Variants in SYT13 observed in about 807,000 individuals in gnomAD.
The protein encoded by SYT13 is synaptotagmin-13.
In SYT13, 21 loss-of-function variants were observed where a neutral mutation model predicts 38.6. The ratio of observed to expected loss-of-function variants is 0.54; its 90% CI spans 0.39 to 0.78. The LOEUF is 0.78. SYT13 is among the 30% of genes least tolerant of loss of function. The probability of loss-of-function intolerance (pLI) is 0.00; values close to 1 mark genes in which losing one functional copy is unlikely to be tolerated. For synonymous variants in SYT13, 241 were observed against 237.6 expected (o/e 1.01, Z -0.13); for missense variants, 495 against 548.7 (o/e 0.90, Z 0.98).
At chr11:45,270,125 T>C (rs964349386) in intron 1 of SYT13, among the ~76,000 whole-genome samples, 2 of 152,198 alleles carry the variant, frequency 1.3e-5, no homozygotes, top group African/African-American at 2.4e-5. Context: ...GAGTTTGCTT[T>C]CCAAAATTTC....
chr11:45,277,474 G>A (rs1855023938), intron 1 of SYT13, among the ~76,000 whole-genome samples: 1 of 152,184 alleles, frequency 6.6e-6, no homozygotes, highest in Non-Finnish European at 1.5e-5. Context: ...ATAAATGTTT[G>A]ATTTATGAAT....
At chr11:45,285,263 A>G (rs1855119858) in intron 1 of SYT13, among the ~76,000 whole-genome samples, 1 of 152,166 alleles carries the variant, frequency 6.6e-6, no homozygotes, top group African/African-American at 2.4e-5. Context: ...GCTCTTTACA[A>G]TGGGAGCACG....
At chr11:45,245,978 GTC>G (rs1854609391) in intron 5 of SYT13, among the ~76,000 whole-genome samples, 1 of 152,178 alleles carries the variant, frequency 6.6e-6, no homozygotes, top group Non-Finnish European at 1.5e-5. Flanking sequence ...TGAAAGGTGG[GTC>G]CAGCCAGGTG....
chr11:45,283,813 CTT>C (rs142300758), intron 1 of SYT13, among the ~76,000 whole-genome samples: 3,941 of 152,334 alleles, frequency 0.026, 78 homozygotes, highest in African/African-American at 0.055. Flanking sequence ...CCTGAGATGA[CTT>C]TATTCATCTA....
At chr11:45,271,697 C>T (rs1392130058) in intron 1 of SYT13, among the ~76,000 whole-genome samples, 4 of 152,130 alleles carry the variant, frequency 2.6e-5, no homozygotes. Context: ...CAGGTTCATA[C>T]AGGAGGGATG....
At chr11:45,275,158 C>G (rs76157346) in intron 1 of SYT13, among the ~76,000 whole-genome samples, 1 of 152,166 alleles carries the variant, frequency 6.6e-6, no homozygotes, top group Admixed American at 6.5e-5. Flanking sequence ...TCTACCCATC[C>G]ATTCATCAAT....
Position 45,255,667 on chromosome 11 carries a change from A to G in SYT13, c.408T>C (p.Asn136=). 1 of 1,613,844 alleles carries G rather than the reference A, an allele frequency of 6.2e-7. No homozygotes were observed. The highest frequency in any genetic ancestry group is 8.5e-7 in the Non-Finnish European group (1 of 1,179,882). The part of the protein sequence containing the change: ...VTEELFILPQ[N]GVVEDVCVME... Reference sequence around the variant, plus strand: ...GTGCAGGGGGCAGGAGACCCCTACCATTCTGAGGGAGGATGAACAGCTCCT... The same window carrying G: ...GTGCAGGGGGCAGGAGACCCCTACCGTTCTGAGGGAGGATGAACAGCTCCT... The change falls in exon 2 of 6, where the codon AAT becomes AAC. Residue 136 remains asparagine, a splice_region_variant and synonymous_variant. Coordinates refer to ENST00000020926, the MANE Select transcript of SYT13 (RefSeq NM_020826.3).
Position 45,286,223 on chromosome 11 carries a change from C to CGAGG in SYT13, c.-20_-17dup, listed in dbSNP as rs1855134531. On this transcript the variant is annotated 5_prime_UTR_variant, in exon 1 of 6. Coordinates refer to ENST00000020926, the MANE Select transcript of SYT13 (RefSeq NM_020826.3). Reference sequence around the variant, plus strand: ...ACAGCACCATGGTGCCCGCTCCCGGCGAGGGGCTGGGTCCCGCAGCCGCTC... The same window carrying CGAGG: ...ACAGCACCATGGTGCCCGCTCCCGGCGAGGGAGGGGCTGGGTCCCGCAGCCGCTC... The CGAGG allele has an allele frequency of 2.0e-6, 3 of 1,529,624 alleles. No homozygotes were observed. The highest frequency in any genetic ancestry group is 2.6e-6 in the Non-Finnish European group (3 of 1,140,486). 94.8% of individuals were successfully genotyped at this position (1,529,624 alleles called of 1,614,324 possible).
chr11:45,259,332 C>T (rs1565384036), intron 1 of SYT13, among the ~76,000 whole-genome samples: 1 of 152,200 alleles, frequency 6.6e-6, no homozygotes, highest in Non-Finnish European at 1.5e-5. Flanking sequence ...ATTCAATCGT[C>T]TGAGAAAAGG....
In SYT13 at chr11:45,264,223, G is replaced by A. The variant is rs377121398; in HGVS notation, c.184-8332C>T. On this transcript the variant is annotated intron_variant, in intron 1 of 5. Coordinates refer to ENST00000020926, the MANE Select transcript of SYT13 (RefSeq NM_020826.3). ...GCATTCTCACATCAGAGCCACCATGGTAGGTGCCTCTATGATGAGACCTCT... is the reference window on the plus strand; with the variant it reads ...GCATTCTCACATCAGAGCCACCATGATAGGTGCCTCTATGATGAGACCTCT... Among the ~76,000 whole-genome samples, 240 of 152,298 alleles carry A rather than the reference G, an allele frequency of 1.6e-3. 11 individuals carry two copies. The South Asian group carries it at 0.048, about 31-fold the overall frequency.
intron 1 of SYT13, among the ~76,000 whole-genome samples, chr11:45,269,133 C>G (rs1238139421): frequency 2.0e-5 from 3 of 152,032 alleles, no homozygotes; most frequent in African/African-American, 7.3e-5. Flanking sequence ...GTTGGGCACC[C>G]TGAAGTCTGA....
intron 1 of SYT13, among the ~76,000 whole-genome samples, chr11:45,258,913 T>C (rs1191946747): frequency 6.6e-6 from 1 of 152,158 alleles, no homozygotes; most frequent in Non-Finnish European, 1.5e-5. Context: ...CTCATATAAC[T>C]CTGTATTACC....
At chr11:45,277,232 C>A (rs187085993) in intron 1 of SYT13, among the ~76,000 whole-genome samples, 223 of 148,874 alleles carry the variant, frequency 1.5e-3, no homozygotes, top group African/African-American at 5.4e-3. Context: ...TGGAGGAGGG[C>A]GGAATAGTGA....
intron 1 of SYT13, among the ~76,000 whole-genome samples, chr11:45,263,995 A>G (rs552880892): frequency 5.3e-5 from 8 of 152,310 alleles, no homozygotes; most frequent in African/African-American, 1.9e-4. Flanking sequence ...GGCAATATTT[A>G]TGTGACCCTA....
At position 45,265,772 on chromosome 11, in the gene SYT13, C is replaced by T. The variant is rs901160132; in HGVS notation, c.184-9881G>A. Among the ~76,000 whole-genome samples the T allele has an allele frequency of 7.2e-5, 11 of 152,044 alleles. No individual in the cohort carries two copies. The East Asian group carries it at 7.7e-4, about 11-fold the overall frequency. ...GGGTGAGAATTCCAACATATGAATT[C>T]GAGGGCACACATTCGTTCCCTAATT... On this transcript the variant is annotated intron_variant, in intron 1 of 5. Coordinates refer to ENST00000020926, the MANE Select transcript of SYT13 (RefSeq NM_020826.3).
Position 45,255,671 on chromosome 11 carries a change from T to G in SYT13, c.404A>C (p.Gln135Pro). Reference protein sequence around the residue: ...QVTEELFILPQNGVVEDVCVM... With the variant: ...QVTEELFILPPNGVVEDVCVM... ...AGGGGGCAGGAGACCCCTACCATTCTGAGGGAGGATGAACAGCTCCTCTGT... is the reference window on the plus strand; with the variant it reads ...AGGGGGCAGGAGACCCCTACCATTCGGAGGGAGGATGAACAGCTCCTCTGT... The change falls in exon 2 of 6, where the codon CAG becomes CCG. Residue 135 changes from glutamine (Q) to proline (P), a missense_variant. Transcript: ENST00000020926. 6.2e-7 allele frequency: 1 copy of G among 1,614,002 alleles called. No homozygotes were observed. The highest frequency in any genetic ancestry group is 8.5e-7 in the Non-Finnish European group (1 of 1,179,932).
chr11:45,264,900 A>G (rs1316933453), intron 1 of SYT13, among the ~76,000 whole-genome samples: 1 of 152,208 alleles, frequency 6.6e-6, no homozygotes, highest in East Asian at 1.9e-4. Flanking sequence ...GTGGAAGGGA[A>G]AATGGCAAGC....
At chr11:45,267,979 C>T (rs1854905836) in intron 1 of SYT13, among the ~76,000 whole-genome samples, 1 of 152,138 alleles carries the variant, frequency 6.6e-6, no homozygotes, top group East Asian at 1.9e-4. Flanking sequence ...CGTAGCTCAC[C>T]TCCTCCTATT....
chr11:45,244,431 G>A, intron 5 of SYT13, 75 bp from the exon 6 acceptor site: 1 of 1,512,084 alleles, frequency 6.6e-7, no homozygotes, highest in East Asian at 2.3e-5. Context: ...GCAGGGCCCA[G>A]GACAAAGCTC....
Sources: allele counts gnomAD v4.1 joint callset (sites outside exome capture counted in the v4.1 genomes callset), GRCh38; gene constraint gnomAD v4.1.1; transcripts MANE v1.5; gene names NCBI Gene and HGNC (gene_info 2026-07-23, HGNC 2026-07-21).